The following PODXL2 variants were observed in gnomAD, a reference collection of about 807,000 sequenced individuals.
PODXL2 encodes podocalyxin like 2, also known as podocalyxin-like protein 2.
PODXL2 carries 17 observed loss-of-function variants against 53.4 expected under a neutral mutation model. The observed-to-expected ratio is 0.32, with a 90% CI of 0.22 to 0.48. The LOEUF is 0.48. Ranked by LOEUF, PODXL2 falls within the 20% of genes least tolerant of loss-of-function variation. The probability of loss-of-function intolerance (pLI) is 0.99; values close to 1 mark genes in which losing one functional copy is unlikely to be tolerated. For synonymous variants in PODXL2, 311 were observed against 306.7 expected (o/e 1.01, Z -0.15); for missense variants, 673 against 760.0 (o/e 0.89, Z 1.35).
At chr3:127,634,476 A>G (rs1409497385) in intron 1 of PODXL2, among the ~76,000 whole-genome samples, 1 of 150,796 alleles carries the variant, frequency 6.6e-6, no homozygotes, top group Non-Finnish European at 1.5e-5. Context: ...TAATCCCGGC[A>G]CTTTGGGAGG....
At chr3:127,635,558 GTGTAA>G (rs2107703289) in intron 1 of PODXL2, among the ~76,000 whole-genome samples, 1 of 152,318 alleles carries the variant, frequency 6.6e-6, no homozygotes, top group South Asian at 2.1e-4. Context: ...GGCTATTTCT[GTGTAA>G]TAAATCACCC....
chr3:127,639,591 C>A, intron 2 of PODXL2, 68 bp downstream of exon 2: 1 of 1,412,048 alleles, frequency 7.1e-7, no homozygotes, highest in Non-Finnish European at 9.7e-7. Context: ...CACCAGGTGA[C>A]CATTTCCTTG....
chr3:127,630,344 G>A (rs1207974330), intron 1 of PODXL2, among the ~76,000 whole-genome samples: 2 of 152,218 alleles, frequency 1.3e-5, no homozygotes, highest in East Asian at 3.8e-4. Context: ...GTGTGCCTGT[G>A]CACACTCATC....
At chr3:127,640,493 G>A (rs567542153) in intron 2 of PODXL2, among the ~76,000 whole-genome samples, 104 of 152,192 alleles carry the variant, frequency 6.8e-4, no homozygotes, top group South Asian at 1.2e-3. Flanking sequence ...TTGGGGTCAG[G>A]AGTTTGAGAA....
At chr3:127,671,637 T>C (rs2074840688) in intron 7 of PODXL2, 24 bp downstream of exon 7, 1 of 1,606,924 alleles carries the variant, frequency 6.2e-7, no homozygotes, top group Non-Finnish European at 8.5e-7. Context: ...CAGGTGGGGC[T>C]GGGGGCCAGT....
intron 1 of PODXL2, among the ~76,000 whole-genome samples, chr3:127,636,717 G>A (rs1341826221): frequency 3.3e-5 from 5 of 152,210 alleles, no homozygotes; most frequent in Non-Finnish European, 7.3e-5. Flanking sequence ...GTTTGGACTT[G>A]GCAGAAGGCA....
At chr3:127,659,951 C>T (rs2074752963) in intron 2 of PODXL2, among the ~76,000 whole-genome samples, 1 of 152,202 alleles carries the variant, frequency 6.6e-6, no homozygotes, top group South Asian at 2.1e-4. Context: ...GGGGACTCCA[C>T]CAAGAAGACT....
intron 4 of PODXL2, 109 bp from the exon 5 acceptor site, chr3:127,668,332 T>C (rs57613453): frequency 1.9e-6 from 2 of 1,039,150 alleles, no homozygotes; most frequent in Admixed American, 4.0e-5. Context: ...CTGCCTCTCT[T>C]GGAACAGCCA....
In PODXL2 at chr3:127,660,411, G is replaced by T; in HGVS notation, c.383G>T (p.Gly128Val). The T allele has an allele frequency of 1.4e-5, 22 of 1,612,804 alleles. No individual in the cohort carries two copies. The highest frequency in any genetic ancestry group is 1.8e-5 in the Non-Finnish European group (21 of 1,178,928). The change falls in exon 3 of 8, where the codon GGT (glycine) becomes GTT (valine). Residue 128 changes from glycine to valine, a missense_variant. By Grantham distance (109) the Gly-to-Val change is moderately radical (BLOSUM62 -3). This residue lies in a region of PODXL2 where 588 missense variants were observed against 668.3 expected (regional missense o/e 0.88). Coordinates refer to ENST00000342480, the MANE Select transcript of PODXL2 (RefSeq NM_015720.4). ...TTTCCTGACTTAACTGAGAAGGCAG[G>T]TTCCATTGAAGACACCAGCCAGGCT... ...YVFPDLTEKA[G>V]SIEDTSQAQE...
chr3:127,671,176 C>T (rs570559771), intron 6 of PODXL2, among the ~76,000 whole-genome samples: 2 of 152,292 alleles, frequency 1.3e-5, no homozygotes, highest in South Asian at 4.1e-4. Flanking sequence ...GACTCAGCGG[C>T]TGGGGCAGAA....
At chr3:127,656,273 C>T (rs1458724416) in intron 2 of PODXL2, among the ~76,000 whole-genome samples, 1 of 152,122 alleles carries the variant, frequency 6.6e-6, no homozygotes. Flanking sequence ...ATCATATATA[C>T]CATCATCCTC....
chr3:127,668,519 C>T lies in PODXL2; in HGVS notation c.1285C>T (p.His429Tyr). Residue 429 changes from histidine to tyrosine, a missense_variant, in exon 5 of 8, where the codon CAT (histidine) becomes TAT (tyrosine). Physicochemically the swap from His to Tyr is moderately conservative, Grantham distance 83. Transcript: ENST00000342480. ...EVLPRHGSGH[H>Y]GAWHISLSKP... is the part of the protein sequence containing the mutation. ...GCTGCCCCGCCATGGCAGTGGCCAC[C>T]ATGGGGCCTGGCACATCTCTCTGAG... 1 of 1,580,112 alleles carries T rather than the reference C, an allele frequency of 6.3e-7. No individual in the cohort carries two copies. The highest frequency in any genetic ancestry group is 2.3e-5 in the East Asian group (1 of 43,250).
rs1030887976 is a variant in PODXL2, at chr3:127,660,436, T to C, written c.408T>C (p.Ala136=). 6.2e-7 allele frequency: 1 copy of C among 1,613,990 alleles called. No individual in the cohort carries two copies. Among genetic ancestry groups the C allele is most frequent in the Non-Finnish European group, 8.5e-7 (1 of 1,180,016 alleles). ...KAGSIEDTSQ[A]QELPNLPSPL... ...GTTCCATTGAAGACACCAGCCAGGCTCAAGAGCTGCCAAACCTCCCCTCTC... is the reference window on the plus strand; with the variant it reads ...GTTCCATTGAAGACACCAGCCAGGCCCAAGAGCTGCCAAACCTCCCCTCTC... The change falls in exon 3 of 8, where the codon GCT becomes GCC. Residue 136 remains alanine, a synonymous_variant. Coordinates refer to ENST00000342480, the MANE Select transcript of PODXL2 (RefSeq NM_015720.4).
intron 2 of PODXL2, among the ~76,000 whole-genome samples, chr3:127,655,279 G>A (rs2074715199): frequency 6.6e-6 from 1 of 152,034 alleles, no homozygotes; most frequent in African/African-American, 2.4e-5. Flanking sequence ...GGTGGCAGGT[G>A]CCTGTAATCT....
Position 127,662,272 on chromosome 3 carries a change from A to G in PODXL2, c.1167A>G (p.Lys389=). The G allele has an allele frequency of 1.2e-6, 2 of 1,614,128 alleles. No individual in the cohort carries two copies. Among genetic ancestry groups the G allele is most frequent in the Non-Finnish European group, 1.7e-6 (2 of 1,179,978 alleles). ...AGGACTGGAGCAATCTGGCTGGGAA[A>G]AACTACATCATTCTGAACATGACAG... ...ICKDWSNLAG[K]NYIILNMTEN... is the part of the protein sequence containing the mutation. Residue 389 remains lysine (K), a synonymous_variant, in exon 4 of 8, where the codon AAA becomes AAG. Transcript: ENST00000342480.
At position 127,639,542 on chromosome 3, in the gene PODXL2, A is replaced by G. The variant is rs761862515; in HGVS notation, c.349+19A>G. 1.3e-6 allele frequency: 2 copies of G among 1,596,436 alleles called. No homozygotes were observed. The highest frequency in any genetic ancestry group is 2.7e-5 in the African/African-American group (2 of 74,564). On this transcript the variant is annotated intron_variant, in intron 2 of 7. Transcript: ENST00000342480. Reference sequence around the variant, plus strand: ...ACTGCAGGTAGCTCTTCTTACCTACAGAGCATGTGTTGAGTGCCAGCCAAG... The same window carrying G: ...ACTGCAGGTAGCTCTTCTTACCTACGGAGCATGTGTTGAGTGCCAGCCAAG...
intron 2 of PODXL2, among the ~76,000 whole-genome samples, chr3:127,658,297 C>G (rs2074738259): frequency 6.6e-6 from 1 of 151,880 alleles, no homozygotes; most frequent in African/African-American, 2.4e-5. Context: ...TCTCAGAGCT[C>G]TCTCTGTGTG....
At chr3:127,644,331 TCCTGAC>T (rs1302070043) in intron 2 of PODXL2, among the ~76,000 whole-genome samples, 2 of 152,242 alleles carry the variant, frequency 1.3e-5, no homozygotes, top group Middle Eastern at 3.4e-3. Flanking sequence ...CTGACTGAAC[TCCTGAC>T]CTCAAGTGAT....
chr3:127,672,355 C>A lies in PODXL2; in HGVS notation c.1693C>A (p.Gln565Lys), dbSNP rs2074854357. 1.9e-6 allele frequency: 3 copies of A among 1,549,608 alleles called. No homozygotes were observed. The South Asian group carries it at 3.6e-5, about 18-fold the overall frequency. ...DVASDSQSEMQEKHPSLNGGG... is the reference protein window; with the variant it reads ...DVASDSQSEMKEKHPSLNGGG... ...GGCCAGCGACAGCCAGTCGGAGATG[C>A]AGGAGAAGCACCCCAGCCTGAACGG... The change falls in exon 8 of 8, where the codon CAG becomes AAG. Residue 565 changes from glutamine (Q) to lysine (K), a missense_variant. Coordinates refer to ENST00000342480, the MANE Select transcript of PODXL2 (RefSeq NM_015720.4).
Sources: allele counts gnomAD v4.1 joint callset (sites outside exome capture counted in the v4.1 genomes callset), GRCh38; gene constraint gnomAD v4.1.1; regional missense constraint gnomAD v4.1.1; transcripts MANE v1.5; gene names NCBI Gene and HGNC (gene_info 2026-07-23, HGNC 2026-07-21).